The following NEBL variants were observed in gnomAD, a reference collection of about 807,000 sequenced individuals.
NEBL encodes LIM and SH3 protein 2.
In NEBL, 122 loss-of-function variants were observed where a neutral mutation model predicts 140.2. That is an observed-to-expected ratio of 0.87 (90% CI 0.75 to 1.01). The LOEUF is 1.01. Among genes scored for constraint, NEBL ranks in the 50% least tolerant of loss-of-function variants. The pLI is 0.00. For missense variants in NEBL, 1,365 were observed against 1,231.3 expected (o/e 1.11, Z -1.62); for synonymous variants, 436 against 398.9 (o/e 1.09, Z -1.11).
intron 2 of NEBL, chr10:21,030,004 C>T: frequency 4.0e-6 from 2 of 496,334 alleles, no homozygotes; most frequent in South Asian, 4.0e-5. Context: ...CTCAAAGACC[C>T]AAACTGAATC....
At chr10:20,868,296 T>G in intron 7 of NEBL, 1 of 152,336 alleles carries the variant, frequency 6.6e-6, no homozygotes, top group Non-Finnish European at 1.4e-5. Flanking sequence ...ATATTTTTAT[T>G]ACTAAGTTAA....
In NEBL at chr10:21,241,289, A is replaced by T. The variant is rs1255792893; in HGVS notation, n.348+6632T>A. 7.4e-5 allele frequency among the ~76,000 whole-genome samples: 11 copies of T among 149,294 alleles called. No homozygotes were observed. In the East Asian group the frequency reaches 2.0e-3, roughly 27 times the overall value. On this transcript the variant is annotated intron_variant and non_coding_transcript_variant, in intron 3 of 8. Coordinates refer to the NEBL transcript ENST00000675702. The stretch of plus-strand genomic sequence containing the variant: ...ATAAATAAATAAATAAATAAATAAA[A>T]ATAAAAATCAATCAAAAGGACCAAG...
intron 10 of NEBL, among the ~76,000 whole-genome samples, chr10:20,851,824 A>G (rs1253964785): frequency 1.3e-5 from 2 of 152,112 alleles, no homozygotes; most frequent in African/African-American, 4.8e-5. Context: ...GAAAATAAGT[A>G]ATTTTTAGAA....
chr10:20,823,127 T>C (rs1839511462), intron 19 of NEBL, 81 bp downstream of exon 19: 1 of 1,046,584 alleles, frequency 9.6e-7, no homozygotes, highest in Admixed American at 2.0e-5. Context: ...GTGATGGCAT[T>C]TGACCTGTAC....
At chr10:20,900,929 G>A (rs1395937956), upstream of NEBL, among the ~76,000 whole-genome samples, 1 of 150,152 alleles carries the variant, frequency 6.7e-6, no homozygotes, top group Non-Finnish European at 1.5e-5. Context: ...CGAGGCAGGA[G>A]AATCACTTGA....
chr10:21,186,604 A>C (rs1841475602), intron 3 of NEBL, among the ~76,000 whole-genome samples: 2 of 152,032 alleles, frequency 1.3e-5, no homozygotes, highest in African/African-American at 4.8e-5. Flanking sequence ...ATGGCTTAGA[A>C]TGTGGCCCAA....
intron 10 of NEBL, among the ~76,000 whole-genome samples, chr10:20,852,222 A>G (rs1332606517): frequency 1.3e-5 from 2 of 152,212 alleles, no homozygotes; most frequent in African/African-American, 2.4e-5. Flanking sequence ...AAAATGACAA[A>G]TCAAGACACT....
At chr10:21,242,319 C>G (rs1258835982) in intron 3 of NEBL, among the ~76,000 whole-genome samples, 2 of 152,186 alleles carry the variant, frequency 1.3e-5, no homozygotes, top group South Asian at 2.1e-4. Flanking sequence ...TGCTTTGCAG[C>G]AACATGGATG....
At chr10:21,115,736 G>C (rs1035952946) in intron 2 of NEBL, among the ~76,000 whole-genome samples, 2 of 151,880 alleles carry the variant, frequency 1.3e-5, no homozygotes, top group Admixed American at 1.3e-4. Context: ...GGGTCTGTGG[G>C]ATGATGATTT....
chr10:21,214,516 A>C (rs1253809973), intron 3 of NEBL, among the ~76,000 whole-genome samples: 1 of 151,602 alleles, frequency 6.6e-6, no homozygotes, highest in Non-Finnish European at 1.5e-5. Flanking sequence ...ACACATGCAC[A>C]CATGCACATT....
intron 2 of NEBL, among the ~76,000 whole-genome samples, chr10:21,067,013 C>T (rs1835587118): frequency 8.4e-6 from 1 of 119,226 alleles, no homozygotes; most frequent in Non-Finnish European, 1.6e-5. Flanking sequence ...TGCTGTGTTG[C>T]CCAGGCTGTA....
At chr10:21,182,431 G>A (rs917364272) in intron 3 of NEBL, among the ~76,000 whole-genome samples, 5 of 152,116 alleles carry the variant, frequency 3.3e-5, no homozygotes, top group African/African-American at 4.8e-5. Flanking sequence ...AGGTATTATC[G>A]TGCCACTGCA....
chr10:20,898,517 T>C (rs920399968), upstream of NEBL, among the ~76,000 whole-genome samples: 21 of 152,204 alleles, frequency 1.4e-4, no homozygotes, highest in African/African-American at 4.6e-4. Flanking sequence ...TCATCACGTA[T>C]AAATTATTTC....
chr10:20,995,530 G>A (rs1837633990), intron 3 of NEBL, among the ~76,000 whole-genome samples: 1 of 152,150 alleles, frequency 6.6e-6, no homozygotes, highest in Admixed American at 6.5e-5. Context: ...AGCACCGCAC[G>A]CTGAGGAATA....
intron 8 of NEBL, among the ~76,000 whole-genome samples, chr10:20,858,588 C>T (rs1843342506): frequency 6.6e-6 from 1 of 152,066 alleles, no homozygotes; most frequent in African/African-American, 2.4e-5. Context: ...AGGGTAATGT[C>T]AATAGAATAA....
chr10:20,815,704 C>T lies in NEBL; in HGVS notation c.2162G>A (p.Gly721Asp). 6 of 1,604,598 alleles carry T rather than the reference C, an allele frequency of 3.7e-6. No homozygotes were observed. The highest frequency in any genetic ancestry group is 4.3e-6 in the Non-Finnish European group (5 of 1,171,546). ...TAAAGTGGTAGCTCTTCCCAGCTGACCTCTGTAATAAACCTATCATTTCAG... is the reference window on the plus strand; with the variant it reads ...TAAAGTGGTAGCTCTTCCCAGCTGATCTCTGTAATAAACCTATCATTTCAG... ...QKNISNVYYRGQLGRATTLSV... is the reference protein window; with the variant it reads ...QKNISNVYYRDQLGRATTLSV... The change falls in exon 22 of 28, where the codon GGT becomes GAT. Residue 721 changes from glycine to aspartate, a missense_variant. Physicochemically the swap from Gly to Asp is moderately conservative, Grantham distance 94. Around this residue, in one of 2 missense-constraint regions of NEBL, gnomAD observed 1,323 missense variants for 1,154.8 expected, o/e 1.15. Coordinates refer to ENST00000377122, the MANE Select transcript of NEBL (RefSeq NM_006393.3).
intron 1 of NEBL, among the ~76,000 whole-genome samples, chr10:21,278,352 G>A (rs1270978268): frequency 6.6e-6 from 1 of 152,196 alleles, no homozygotes; most frequent in African/African-American, 2.4e-5. Flanking sequence ...GCTGAGGCAG[G>A]AGGATCACTT....
At chr10:21,223,556 T>C (rs1842102556) in intron 3 of NEBL, among the ~76,000 whole-genome samples, 1 of 152,252 alleles carries the variant, frequency 6.6e-6, no homozygotes, top group African/African-American at 2.4e-5. Context: ...TTCTTTTGTG[T>C]ATACACCTAG....
chr10:21,227,722 T>TCTC (rs1842182616), intron 3 of NEBL, among the ~76,000 whole-genome samples: 1 of 103,666 alleles, frequency 9.6e-6, no homozygotes, highest in South Asian at 3.2e-4. Flanking sequence ...TTCTTCTTCT[T>TCTC]CTTCTTCTTC....
Sources: gnomAD v4.1 joint callset for allele counts (sites outside exome capture counted in the v4.1 genomes callset) on GRCh38, gnomAD v4.1.1 for gene constraint, gnomAD v4.1.1 regional missense constraint, MANE v1.5 for transcripts, NCBI Gene and HGNC (gene_info 2026-07-23, HGNC 2026-07-21) for gene names.